Variants in DOCK2 observed in about 807,000 individuals in gnomAD.
DOCK2 encodes dedicator of cytokinesis protein 2.
DOCK2 carries 87 observed loss-of-function variants against 248.9 expected under a neutral mutation model. The ratio of observed to expected loss-of-function variants is 0.35; its 90% CI spans 0.29 to 0.42. DOCK2 has a LOEUF of 0.42. DOCK2 is among the 10% of genes least tolerant of loss of function. DOCK2 has a pLI of 1.00. For synonymous variants in DOCK2, 805 were observed against 821.6 expected, an observed-to-expected ratio of 0.98 and a Z score of 0.35; for missense variants, 1,747 against 2,300.2, an observed-to-expected ratio of 0.76 and a Z score of 4.92.
intron 38 of DOCK2, among the ~76,000 whole-genome samples, chr5:170,042,446 C>T (rs1756552672): frequency 1.3e-5 from 2 of 152,240 alleles, no homozygotes; most frequent in South Asian, 4.1e-4. Flanking sequence ...CCCCCACTCG[C>T]AGTTTCTCAA....
intron 1 of DOCK2, among the ~76,000 whole-genome samples, chr5:169,642,958 A>G (rs1229019213): frequency 1.3e-5 from 2 of 151,900 alleles, no homozygotes; most frequent in African/African-American, 4.8e-5. Flanking sequence ...TTTTTTTTCA[A>G]TAGTCAATTA....
At chr5:170,044,997 T>C (rs1412467899) in intron 38 of DOCK2, among the ~76,000 whole-genome samples, 1 of 152,208 alleles carries the variant, frequency 6.6e-6, no homozygotes, top group African/African-American at 2.4e-5. Context: ...GACTCTCGTC[T>C]AAGACAGAGG....
intron 41 of DOCK2, 41 bp from the exon 42 acceptor site, chr5:170,055,264 C>T (rs371750715): frequency 3.4e-5 from 55 of 1,598,530 alleles, no homozygotes; most frequent in East Asian, 1.8e-4. Context: ...AAACTGTCCC[C>T]GCAGCCAACA....
At chr5:169,701,246 A>G (rs1430686901) in intron 13 of DOCK2, among the ~76,000 whole-genome samples, 1 of 152,234 alleles carries the variant, frequency 6.6e-6, no homozygotes, top group African/African-American at 2.4e-5. Context: ...TAGAATTGCA[A>G]TAGAGCCAAG....
chr5:169,751,997 C>CT (rs397730124), intron 23 of DOCK2, among the ~76,000 whole-genome samples: 2,454 of 152,118 alleles, frequency 0.016, 71 homozygotes, highest in African/African-American at 0.057. Flanking sequence ...AAGCACTATT[C>CT]TCTATGCCAC....
At chr5:170,046,298 C>T (rs1756707164) in intron 39 of DOCK2, among the ~76,000 whole-genome samples, 1 of 152,204 alleles carries the variant, frequency 6.6e-6, no homozygotes, top group Non-Finnish European at 1.5e-5. Flanking sequence ...AAATGCTCCC[C>T]ATCTGGTTAC....
chr5:170,014,214 T>C (rs1438727030), intron 32 of DOCK2, among the ~76,000 whole-genome samples: 1 of 152,104 alleles, frequency 6.6e-6, no homozygotes, highest in African/African-American at 2.4e-5. Flanking sequence ...ATCCGTCTAT[T>C]TGTTTACTCA....
intron 27 of DOCK2, among the ~76,000 whole-genome samples, chr5:169,926,482 G>A (rs1385273515): frequency 6.6e-6 from 1 of 152,168 alleles, no homozygotes; most frequent in Non-Finnish European, 1.5e-5. Flanking sequence ...GTGAGCTCAG[G>A]TGGCCATGTT....
chr5:170,061,736 C>T (rs974256441), intron 44 of DOCK2, among the ~76,000 whole-genome samples: 3 of 152,226 alleles, frequency 2.0e-5, no homozygotes, highest in African/African-American at 7.2e-5. Flanking sequence ...GGAGGAAAGC[C>T]AATCAACTGC....
At chr5:169,822,341 G>A (rs1365449871) in intron 26 of DOCK2, among the ~76,000 whole-genome samples, 1 of 152,128 alleles carries the variant, frequency 6.6e-6, no homozygotes, top group African/African-American at 2.4e-5. Context: ...CACCACACCT[G>A]TTCCAAAATT....
At chr5:169,680,831 T>C (rs1759618640) in intron 6 of DOCK2, among the ~76,000 whole-genome samples, 2 of 152,158 alleles carry the variant, frequency 1.3e-5, no homozygotes, top group African/African-American at 4.8e-5. Flanking sequence ...TGTTGGTAGT[T>C]TGGTCCTTTT....
intron 27 of DOCK2, among the ~76,000 whole-genome samples, chr5:169,873,110 G>C (rs968087019): frequency 6.6e-6 from 1 of 152,112 alleles, no homozygotes; most frequent in Non-Finnish European, 1.5e-5. Context: ...TATGGCATGT[G>C]TCAGCCTCTT....
At chr5:169,731,761 A>G (rs539803326) in intron 22 of DOCK2, among the ~76,000 whole-genome samples, 10 of 152,258 alleles carry the variant, frequency 6.6e-5, no homozygotes, top group African/African-American at 2.4e-4. Context: ...TATCAGATGG[A>G]CATTCTTTGG....
chr5:170,007,753 T>C (rs1183048102), intron 30 of DOCK2, among the ~76,000 whole-genome samples: 2 of 152,182 alleles, frequency 1.3e-5, no homozygotes, highest in African/African-American at 4.8e-5. Context: ...ATCAGGTACA[T>C]GCAAAAATCC....
At chr5:169,733,111 C>G (rs1215257712) in intron 22 of DOCK2, among the ~76,000 whole-genome samples, 1 of 152,062 alleles carries the variant, frequency 6.6e-6, no homozygotes, top group Non-Finnish European at 1.5e-5. Flanking sequence ...GCTGTGCATC[C>G]TCCACACCAC....
chr5:169,663,201 C>A (rs1394518879), intron 2 of DOCK2, among the ~76,000 whole-genome samples: 1 of 152,214 alleles, frequency 6.6e-6, no homozygotes, highest in East Asian at 1.9e-4. Flanking sequence ...CCATGTCTCA[C>A]ATCTATGCAA....
Position 169,681,883 on chromosome 5 carries a change from AGCTTTACTAAATAG to A in DOCK2, c.606+10_606+23del. The A allele has an allele frequency of 6.2e-7, 1 of 1,613,148 alleles. No individual in the cohort carries two copies. Among genetic ancestry groups the A allele is most frequent in the Non-Finnish European group, 8.5e-7 (1 of 1,179,712 alleles). Reference sequence around the variant, plus strand: ...AGAGCGTATCAAAGAAGAAATGGTGAGCTTTACTAAATAGGCTTTGGCCAAGTGATACAATCATT... The same window carrying A: ...AGAGCGTATCAAAGAAGAAATGGTGAGCTTTGGCCAAGTGATACAATCATT... On this transcript the variant is annotated splice_donor_5th_base_variant and intron_variant, in intron 7 of 51. Coordinates refer to ENST00000520908, the MANE Select transcript of DOCK2 (RefSeq NM_004946.3).
chr5:169,868,516 C>A (rs545038891), intron 27 of DOCK2, among the ~76,000 whole-genome samples: 2 of 152,220 alleles, frequency 1.3e-5, no homozygotes, highest in East Asian at 3.9e-4. Flanking sequence ...CCCAGCACTT[C>A]GAAAGACCCA....
intron 14 of DOCK2, among the ~76,000 whole-genome samples, chr5:169,706,106 T>A (rs1426192020): frequency 3.3e-5 from 5 of 152,276 alleles, no homozygotes; most frequent in Admixed American, 3.3e-4. Flanking sequence ...TGCTGAGGCC[T>A]ATGGCACTAT....
Sources: gnomAD v4.1 joint callset for allele counts (sites outside exome capture counted in the v4.1 genomes callset) on GRCh38, gnomAD v4.1.1 for gene constraint, MANE v1.5 for transcripts, NCBI Gene and HGNC (gene_info 2026-07-23, HGNC 2026-07-21) for gene names.